Variants in CDH12 observed in about 807,000 individuals in gnomAD.
CDH12 encodes cadherin-12.
A neutral mutation model predicts 74.1 loss-of-function variants in CDH12; 41 were observed. The observed-to-expected ratio is 0.55, with a 90% CI of 0.43 to 0.72. CDH12 has a LOEUF of 0.72. Ranked by LOEUF, CDH12 falls within the 30% of genes least tolerant of loss-of-function variation. The probability of loss-of-function intolerance (pLI) is 0.00; values close to 1 mark genes in which losing one functional copy is unlikely to be tolerated. For missense variants in CDH12, 945 were observed against 977.2 expected (o/e 0.97, Z 0.44); for synonymous variants, 399 against 355.0 (o/e 1.12, Z -1.39).
intron 1 of CDH12, among the ~76,000 whole-genome samples, chr5:22,740,410 T>C (rs1053443225): frequency 1.3e-5 from 2 of 151,774 alleles, no homozygotes; most frequent in African/African-American, 2.4e-5. Context: ...TCTCCAGTTA[T>C]AGATTCATTA....
chr5:22,811,690 G>C (rs73745215), intron 1 of CDH12, among the ~76,000 whole-genome samples: 2 of 152,150 alleles, frequency 1.3e-5, no homozygotes, highest in East Asian at 1.9e-4. Flanking sequence ...ATTGGGTAAC[G>C]AATTACATCA....
intron 3 of CDH12, among the ~76,000 whole-genome samples, chr5:22,283,257 C>T (rs6879913): frequency 0.069 from 9,552 of 137,988 alleles, 410 homozygotes; most frequent in South Asian, 0.15. Context: ...TATATACACA[C>T]ACACACACAC....
intron 3 of CDH12, among the ~76,000 whole-genome samples, chr5:22,318,358 T>C (rs1375851078): frequency 6.6e-6 from 1 of 152,202 alleles, no homozygotes; most frequent in African/African-American, 2.4e-5. Flanking sequence ...CCTGCAAAGA[T>C]TAGCATGTTA....
chr5:22,702,940 G>A (rs915138198), intron 1 of CDH12, among the ~76,000 whole-genome samples: 1 of 152,066 alleles, frequency 6.6e-6, no homozygotes, highest in African/African-American at 2.4e-5. Context: ...GCAATAAGCA[G>A]TCTTTTTCCT....
At chr5:22,005,007 ATTTTCTT>A (rs1736854520) in intron 5 of CDH12, among the ~76,000 whole-genome samples, 1 of 151,788 alleles carries the variant, frequency 6.6e-6, no homozygotes, top group Non-Finnish European at 1.5e-5. Flanking sequence ...TATGTACCAT[ATTTTCTT>A]TTTTCTTTCT....
intron 1 of CDH12, among the ~76,000 whole-genome samples, chr5:22,644,530 TA>T (rs1739333494): frequency 6.6e-6 from 1 of 151,902 alleles, no homozygotes; most frequent in African/African-American, 2.4e-5. Flanking sequence ...TAAAAATTTT[TA>T]AAAAATGAAG....
chr5:22,537,072 T>C (rs1390623641), intron 1 of CDH12, among the ~76,000 whole-genome samples: 1 of 152,220 alleles, frequency 6.6e-6, no homozygotes, highest in South Asian at 2.1e-4. Context: ...TATTATGACC[T>C]TGAGACACAG....
At chr5:22,563,071 T>C (rs1178152947) in intron 1 of CDH12, among the ~76,000 whole-genome samples, 2 of 147,264 alleles carry the variant, frequency 1.4e-5, no homozygotes, top group Non-Finnish European at 3.0e-5. Flanking sequence ...TATAGATTTA[T>C]ATATTTATAT....
At chr5:22,771,495 G>A (rs938091944) in intron 1 of CDH12, among the ~76,000 whole-genome samples, 3 of 151,824 alleles carry the variant, frequency 2.0e-5, no homozygotes, top group African/African-American at 7.2e-5. Flanking sequence ...AACTGATAAA[G>A]GATGGGGATA....
chr5:22,341,976 C>A (rs573508093), intron 3 of CDH12, among the ~76,000 whole-genome samples: 1 of 152,126 alleles, frequency 6.6e-6, no homozygotes, highest in Admixed American at 6.5e-5. Flanking sequence ...CTTAACATTT[C>A]TCACGGTTCT....
At chr5:21,877,306 C>T (rs1009313703) in intron 6 of CDH12, among the ~76,000 whole-genome samples, 23 of 152,134 alleles carry the variant, frequency 1.5e-4, no homozygotes, top group African/African-American at 5.3e-4. Context: ...TCTAGAAACT[C>T]GTTTCCATAT....
intron 10 of CDH12, among the ~76,000 whole-genome samples, chr5:21,794,477 A>G (rs1467408116): frequency 6.6e-6 from 1 of 151,706 alleles, no homozygotes; most frequent in Non-Finnish European, 1.5e-5. Context: ...CAAAATCCCC[A>G]GAGATTAACA....
At chr5:22,731,581 T>C (rs975552157) in intron 1 of CDH12, among the ~76,000 whole-genome samples, 3 of 151,920 alleles carry the variant, frequency 2.0e-5, no homozygotes, top group African/African-American at 7.2e-5. Context: ...TAGTTAACTT[T>C]CTACAAAATC....
At chr5:22,655,229 C>T (rs918755643) in intron 1 of CDH12, among the ~76,000 whole-genome samples, 7 of 152,158 alleles carry the variant, frequency 4.6e-5, no homozygotes, top group African/African-American at 1.7e-4. Flanking sequence ...AATATTATCT[C>T]TTGTTTAGAC....
intron 7 of CDH12, among the ~76,000 whole-genome samples, chr5:21,853,202 AT>A (rs1750566591): frequency 6.6e-6 from 1 of 151,472 alleles, no homozygotes; most frequent in African/African-American, 2.4e-5. Flanking sequence ...TTACTGCCAT[AT>A]TTCTTGAAAA....
chr5:22,364,595 A>G (rs896728963), intron 3 of CDH12, among the ~76,000 whole-genome samples: 3 of 152,208 alleles, frequency 2.0e-5, no homozygotes, highest in Non-Finnish European at 2.9e-5. Flanking sequence ...GGATCAAAGT[A>G]TGGAACATTT....
intron 1 of CDH12, among the ~76,000 whole-genome samples, chr5:22,790,192 G>A (rs1033177671): frequency 6.6e-6 from 1 of 152,078 alleles, no homozygotes. Flanking sequence ...AACGTGTTTT[G>A]TTGGACAGGT....
intron 4 of CDH12, among the ~76,000 whole-genome samples, chr5:22,200,399 G>C (rs1468623308): frequency 6.6e-6 from 1 of 152,086 alleles, no homozygotes; most frequent in Non-Finnish European, 1.5e-5. Context: ...GAAAATTGAC[G>C]TGTGAGTTAA....
chr5:22,532,350 G>GAGATATATATATATATAT (rs1737621393), intron 1 of CDH12, among the ~76,000 whole-genome samples: 1 of 27,576 alleles, frequency 3.6e-5, no homozygotes, highest in Non-Finnish European at 7.4e-5. Flanking sequence ...ATATAAATAG[G>GAGATATATATATATATAT]ATATATATAT....
Sources: gnomAD v4.1 joint callset for allele counts (sites outside exome capture counted in the v4.1 genomes callset) on GRCh38, gnomAD v4.1.1 for gene constraint, MANE v1.5 for transcripts, NCBI Gene and HGNC (gene_info 2026-07-23, HGNC 2026-07-21) for gene names.